Variants in GLCE observed in about 807,000 individuals in gnomAD.
GLCE encodes D-glucuronyl C5-epimerase.
Under a neutral mutation model 47.9 loss-of-function variants are expected in GLCE, and 19 were observed. The observed-to-expected ratio is 0.40, with a 90% CI of 0.28 to 0.58. The LOEUF (loss-of-function observed/expected upper bound fraction) is 0.58. Among genes scored for constraint, GLCE ranks in the 20% least tolerant of loss-of-function variants. The pLI, the probability that GLCE is intolerant of heterozygous loss-of-function variation, is 0.48. For missense variants in GLCE, 556 were observed against 743.3 expected, an observed-to-expected ratio of 0.75 and a Z score of 2.93; for synonymous variants, 245 against 263.4, an observed-to-expected ratio of 0.93 and a Z score of 0.68.
chr15:69,177,192 G>A (rs2051680729), intron 1 of GLCE, among the ~76,000 whole-genome samples: 1 of 151,940 alleles, frequency 6.6e-6, no homozygotes, highest in Non-Finnish European at 1.5e-5. Context: ...GCTAATTTTT[G>A]TATTTTAGTA....
intron 1 of GLCE, among the ~76,000 whole-genome samples, chr15:69,199,259 A>G (rs1354346853): frequency 2.0e-5 from 3 of 152,174 alleles, no homozygotes; most frequent in Non-Finnish European, 2.9e-5. Flanking sequence ...AAATCAGAAT[A>G]CATGCAGTAT....
chr15:69,259,291 A>T (rs1194092322), intron 3 of GLCE, among the ~76,000 whole-genome samples: 1 of 152,168 alleles, frequency 6.6e-6, no homozygotes, highest in Non-Finnish European at 1.5e-5. Context: ...ATGTTTCTTC[A>T]ATCTGGTTGT....
chr15:69,240,746 GAGA>G (rs1180305295), intron 2 of GLCE, among the ~76,000 whole-genome samples: 1 of 152,072 alleles, frequency 6.6e-6, no homozygotes, highest in Non-Finnish European at 1.5e-5. Flanking sequence ...CTACAAATTT[GAGA>G]AGCTCTCCCA....
intron 1 of GLCE, among the ~76,000 whole-genome samples, chr15:69,175,105 A>C (rs1237937164): frequency 6.6e-6 from 1 of 152,208 alleles, no homozygotes; most frequent in Non-Finnish European, 1.5e-5. Context: ...TCTTAATAGC[A>C]TGAGAAAAAG....
intron 1 of GLCE, among the ~76,000 whole-genome samples, chr15:69,209,139 T>C (rs767971928): frequency 1.8e-4 from 27 of 152,058 alleles, no homozygotes; most frequent in Non-Finnish European, 3.4e-4. Context: ...TTTTATCTTC[T>C]ATTTTTTTTT....
chr15:69,233,481 G>GCTT (rs1566963792), intron 2 of GLCE, among the ~76,000 whole-genome samples: 1 of 152,132 alleles, frequency 6.6e-6, no homozygotes, highest in Non-Finnish European at 1.5e-5. Context: ...ATACTTGAAT[G>GCTT]CTTTCTCCCT....
At chr15:69,199,168 T>G (rs2052040657) in intron 1 of GLCE, among the ~76,000 whole-genome samples, 1 of 152,184 alleles carries the variant, frequency 6.6e-6, no homozygotes, top group Non-Finnish European at 1.5e-5. Context: ...AATGATTTGC[T>G]TTTATGAAAT....
At chr15:69,220,225 G>A (rs576857535) in intron 2 of GLCE, among the ~76,000 whole-genome samples, 4 of 152,096 alleles carry the variant, frequency 2.6e-5, no homozygotes, top group Non-Finnish European at 5.9e-5. Context: ...GTTCTTTAGG[G>A]ATATACTGAG....
chr15:69,175,194 A>G (rs1278487913), intron 1 of GLCE, among the ~76,000 whole-genome samples: 1 of 152,134 alleles, frequency 6.6e-6, no homozygotes, highest in Non-Finnish European at 1.5e-5. Context: ...GATGTATTGT[A>G]AAATTTACAA....
At position 69,252,822 on chromosome 15, in the gene GLCE, CA is replaced by C. The variant is rs907782327; in HGVS notation, c.-13-2970del. Among the ~76,000 whole-genome samples, 15 of 151,884 alleles carry C rather than the reference CA, an allele frequency of 9.9e-5. No homozygotes were observed. In the South Asian group the frequency reaches 2.3e-3, roughly 23 times the overall value. Reference sequence around the variant, plus strand: ...TAGTGTTATCAGTTTGCCCCCACTGCAATATAAGGAAATCCTCAATTTATAT... The same window carrying C: ...TAGTGTTATCAGTTTGCCCCCACTGCATATAAGGAAATCCTCAATTTATAT... On this transcript the variant is annotated intron_variant, in intron 2 of 4. Coordinates refer to ENST00000261858, the MANE Select transcript of GLCE (RefSeq NM_015554.3).
chr15:69,194,899 T>C (rs1408774841), intron 1 of GLCE, among the ~76,000 whole-genome samples: 1 of 152,196 alleles, frequency 6.6e-6, no homozygotes, highest in Non-Finnish European at 1.5e-5. Flanking sequence ...GGAAGATTCT[T>C]ATATAGTCTT....
chr15:69,200,024 G>C (rs989051099), intron 1 of GLCE, among the ~76,000 whole-genome samples: 1 of 152,104 alleles, frequency 6.6e-6, no homozygotes, highest in Non-Finnish European at 1.5e-5. Context: ...AAATAATTAA[G>C]ATATATGCAG....
chr15:69,268,425 T>A lies in GLCE; in HGVS notation c.1035T>A (p.Thr345=). 6.2e-7 allele frequency: 1 copy of A among 1,614,060 alleles called. No homozygotes were observed. The highest frequency in any genetic ancestry group is 8.5e-7 in the Non-Finnish European group (1 of 1,179,918). Residue 345 remains threonine (T), a synonymous_variant, in exon 5 of 5, where the codon ACT becomes ACA. Transcript: ENST00000261858. ...TATACTATGGCATTGGGCCCAGAAC[T>A]TCATGGAGCACAGTTACCAGGGACC... is the stretch of plus-strand genomic sequence containing the variant. ...RDIYYGIGPR[T]SWSTVTRDLV...
rs2053165512 is a variant in GLCE, at chr15:69,271,411, T to A, written c.*2167T>A. The A allele has an allele frequency of 6.6e-6, 1 of 152,638 alleles. No individual in the cohort carries two copies. Among genetic ancestry groups the A allele is most frequent in the African/African-American group, 2.4e-5 (1 of 41,448 alleles). The allele number at this position is 152,638 out of a possible 1,614,324, so 9.5% of individuals were successfully genotyped here. A position where few individuals can be genotyped will look rare whatever the true frequency, so the allele number is the denominator to read the frequency against. On this transcript the variant is annotated 3_prime_UTR_variant, in exon 5 of 5. Coordinates refer to ENST00000261858, the MANE Select transcript of GLCE (RefSeq NM_015554.3). Reference sequence around the variant, plus strand: ...AGTCAGTAAATCTGCCTGTGAAGTATGATAGTCTGCATTTGTAATGAGCAT... The same window carrying A: ...AGTCAGTAAATCTGCCTGTGAAGTAAGATAGTCTGCATTTGTAATGAGCAT...
intron 1 of GLCE, among the ~76,000 whole-genome samples, chr15:69,182,269 T>TTGTTTGTG (rs1555403256): frequency 2.1e-5 from 3 of 144,826 alleles, no homozygotes; most frequent in African/African-American, 7.7e-5. Flanking sequence ...CATCGTGTAT[T>TTGTTTGTG]TGTGTGTGTG....
At chr15:69,226,408 T>C (rs1354777735) in intron 2 of GLCE, among the ~76,000 whole-genome samples, 3 of 152,212 alleles carry the variant, frequency 2.0e-5, no homozygotes, top group Non-Finnish European at 4.4e-5. Context: ...GTATAAACCC[T>C]GTCTGTCCTA....
intron 2 of GLCE, among the ~76,000 whole-genome samples, chr15:69,248,967 G>A (rs2052796654): frequency 6.6e-6 from 1 of 152,144 alleles, no homozygotes. Context: ...CATGGAATTT[G>A]CATTCTAGTG....
rs186454711 is a variant in GLCE at position 69,189,113 on chromosome 15, G to T, written c.-104-21203G>T. ...CTGTGGGTTTTGACAAATGTGTAAT[G>T]GCATATATCTACCATTATCATATTA... On this transcript the variant is annotated intron_variant, in intron 1 of 4. Coordinates refer to ENST00000261858, the MANE Select transcript of GLCE (RefSeq NM_015554.3). Among the ~76,000 whole-genome samples the T allele has an allele frequency of 1.9e-3, 283 of 152,104 alleles. 1 individual carries two copies. The highest frequency in any genetic ancestry group is 6.3e-3 in the African/African-American group (260 of 41,484).
rs1369964250 is a variant in GLCE, at chr15:69,269,196, C to A, written c.1806C>A (p.Val602=). ...AGTCCCCAGTCTTCAAAGAATTTGT[C>A]AAGAGGTGGAAAAGCTACCTTAAAG... ...IDESPVFKEF[V]KRWKSYLKGS... Residue 602 remains valine (V), a synonymous_variant, in exon 5 of 5, where the codon GTC becomes GTA. Transcript: ENST00000261858. 8 of 1,614,038 alleles carry A rather than the reference C, an allele frequency of 5.0e-6. No homozygotes were observed. The highest frequency in any genetic ancestry group is 1.6e-4 in the Middle Eastern group (1 of 6,062).
Sources: allele counts gnomAD v4.1 joint callset (sites outside exome capture counted in the v4.1 genomes callset), GRCh38; gene constraint gnomAD v4.1.1; transcripts MANE v1.5; gene names NCBI Gene and HGNC (gene_info 2026-07-23, HGNC 2026-07-21).